INPP4B: variants seen among roughly 807,000 people sequenced by gnomAD.
The protein encoded by INPP4B is inositol polyphosphate 4-phosphatase type II.
A neutral mutation model predicts 122.5 loss-of-function variants in INPP4B; 55 were observed. The observed-to-expected ratio is 0.45, with a 90% confidence interval of 0.36 to 0.56. The LOEUF (loss-of-function observed/expected upper bound fraction) is 0.56, where lower values mean the gene tolerates loss of function less well. INPP4B is among the 20% of genes least tolerant of loss of function. INPP4B has a pLI of 0.00. For synonymous variants in INPP4B, 403 were observed against 388.7 expected (o/e 1.04, Z -0.43); for missense variants, 1,000 against 1,097.7 (o/e 0.91, Z 1.26).
chr4:142,676,626 C>G (rs1310396201), intron 2 of INPP4B, among the ~76,000 whole-genome samples: 1 of 152,094 alleles, frequency 6.6e-6, no homozygotes, highest in African/African-American at 2.4e-5. Flanking sequence ...CAGCATGGTA[C>G]TGGTACCTAA....
At chr4:142,117,185 A>G (rs1793994958) in intron 21 of INPP4B, among the ~76,000 whole-genome samples, 1 of 152,100 alleles carries the variant, frequency 6.6e-6, no homozygotes. Context: ...CTACCAACCA[A>G]AAAAGTCCAG....
chr4:142,214,942 T>A (rs1490517721), intron 12 of INPP4B, among the ~76,000 whole-genome samples: 4 of 152,258 alleles, frequency 2.6e-5, no homozygotes, highest in African/African-American at 9.6e-5. Flanking sequence ...TTCCTCATTA[T>A]TTGTCATCGT....
intron 2 of INPP4B, among the ~76,000 whole-genome samples, chr4:142,625,864 C>G (rs748804015): frequency 6.6e-5 from 10 of 152,010 alleles, no homozygotes; most frequent in African/African-American, 1.4e-4. Context: ...ACAAACCTGA[C>G]AAAAACAAGA....
At chr4:142,035,465 C>G (rs919341983) in intron 25 of INPP4B, among the ~76,000 whole-genome samples, 1 of 152,102 alleles carries the variant, frequency 6.6e-6, no homozygotes, top group Non-Finnish European at 1.5e-5. Context: ...ATACTATTCA[C>G]CTAGAACCTT....
At chr4:142,145,529 A>G (rs550794629) in intron 18 of INPP4B, among the ~76,000 whole-genome samples, 1 of 152,220 alleles carries the variant, frequency 6.6e-6, no homozygotes, top group African/African-American at 2.4e-5. Flanking sequence ...TTATCTTTCT[A>G]ATAAAATTTT....
intron 12 of INPP4B, among the ~76,000 whole-genome samples, chr4:142,229,714 T>C (rs993063392): frequency 1.1e-4 from 16 of 152,284 alleles, no homozygotes; most frequent in African/African-American, 3.6e-4. Flanking sequence ...TGCATCTCCA[T>C]GATTATCGGT....
intron 7 of INPP4B, among the ~76,000 whole-genome samples, chr4:142,353,820 C>T (rs1050790278): frequency 2.6e-5 from 4 of 151,986 alleles, no homozygotes; most frequent in African/African-American, 7.2e-5. Flanking sequence ...GCACAGAATG[C>T]CATTACCTAG....
intron 2 of INPP4B, among the ~76,000 whole-genome samples, chr4:142,578,610 G>A (rs1734350530): frequency 6.6e-6 from 1 of 151,904 alleles, no homozygotes; most frequent in East Asian, 2.0e-4. Context: ...CTTCTTATAA[G>A]GACACGAGTC....
At chr4:142,304,296 T>TATGTAATGTATA (rs1030006157) in intron 9 of INPP4B, among the ~76,000 whole-genome samples, 20 of 152,138 alleles carry the variant, frequency 1.3e-4, no homozygotes, top group Non-Finnish European at 2.8e-4. Context: ...CAAAACTGTA[T>TATGTAATGTATA]TGTAATAATA....
chr4:142,712,016 C>T (rs1763181571), intron 2 of INPP4B, among the ~76,000 whole-genome samples: 1 of 152,006 alleles, frequency 6.6e-6, no homozygotes, highest in Non-Finnish European at 1.5e-5. Context: ...CCACTGCACT[C>T]CAGCCTGTGT....
chr4:142,783,684 A>G (rs189540693), intron 1 of INPP4B, among the ~76,000 whole-genome samples: 101 of 152,210 alleles, frequency 6.6e-4, no homozygotes, highest in African/African-American at 2.2e-3. Context: ...TGTACTCTGC[A>G]AAACATTAAA....
chr4:142,621,194 A>C (rs1218240234), intron 2 of INPP4B, among the ~76,000 whole-genome samples: 1 of 152,070 alleles, frequency 6.6e-6, no homozygotes, highest in East Asian at 1.9e-4. Flanking sequence ...ACCAAATATA[A>C]ACATAAAATA....
chr4:142,473,354 C>T (rs1560698001), intron 2 of INPP4B: 1 of 152,514 alleles, frequency 6.6e-6, no homozygotes, highest in Non-Finnish European at 1.5e-5. Flanking sequence ...CCTGTCTGGG[C>T]TTAATGTAGA....
intron 1 of INPP4B, among the ~76,000 whole-genome samples, chr4:142,800,948 C>CA (rs1777915407): frequency 6.6e-6 from 1 of 151,966 alleles, no homozygotes; most frequent in African/African-American, 2.4e-5. Context: ...TAGAGAAGGT[C>CA]ACTTAAAGGA....
In INPP4B at chr4:142,166,831, A is replaced by G. The variant is rs529445440; in HGVS notation, c.1360-6270T>C. ...CATTAGAGAAATGCAAGTCAAAACCACAATGAGATACTGTCTCATGCCAGT... is the reference window on the plus strand; with the variant it reads ...CATTAGAGAAATGCAAGTCAAAACCGCAATGAGATACTGTCTCATGCCAGT... On this transcript the variant is annotated intron_variant, in intron 16 of 25. Transcript: ENST00000262992. Among the ~76,000 whole-genome samples the G allele has an allele frequency of 5.3e-5, 8 of 152,106 alleles. No homozygotes were observed. In the South Asian group the frequency reaches 1.7e-3, roughly 31 times the overall value.
chr4:142,388,088 GCTACCT>G (rs1236704102), intron 7 of INPP4B, among the ~76,000 whole-genome samples: 2 of 152,096 alleles, frequency 1.3e-5, no homozygotes, highest in African/African-American at 2.4e-5. Flanking sequence ...CTTCCTCTGA[GCTACCT>G]CTAAAGATTC....
At chr4:142,137,230 G>A (rs575162382) in intron 18 of INPP4B, among the ~76,000 whole-genome samples, 19 of 150,708 alleles carry the variant, frequency 1.3e-4, no homozygotes, top group East Asian at 2.0e-4. Context: ...AAATAACACC[G>A]CATATCTACA....
intron 2 of INPP4B, among the ~76,000 whole-genome samples, chr4:142,606,266 T>C (rs1741243726): frequency 6.6e-6 from 1 of 151,722 alleles, no homozygotes; most frequent in African/African-American, 2.4e-5. Context: ...GGGGAAGGGA[T>C]ATATGAAGGG....
chr4:142,781,204 G>A (rs554337703), intron 1 of INPP4B, among the ~76,000 whole-genome samples: 2 of 148,534 alleles, frequency 1.3e-5, no homozygotes, highest in African/African-American at 2.4e-5. Flanking sequence ...ATGTAAGGGA[G>A]TACTTCTCCC....
Sources: allele counts gnomAD v4.1 joint callset (sites outside exome capture counted in the v4.1 genomes callset), GRCh38; gene constraint gnomAD v4.1.1; transcripts MANE v1.5; gene names NCBI Gene and HGNC (gene_info 2026-07-23, HGNC 2026-07-21).